Variants in APP observed in about 807,000 individuals in gnomAD.
The protein encoded by APP is amyloid beta precursor protein.
Under a neutral mutation model 101.4 loss-of-function variants are expected in APP, and 31 were observed. The ratio of observed to expected loss-of-function variants is 0.31; its 90% CI spans 0.23 to 0.41. The LOEUF (loss-of-function observed/expected upper bound fraction) is 0.41, where lower values mean the gene tolerates loss of function less well. Ranked by LOEUF, APP falls within the 10% of genes least tolerant of loss-of-function variation. The probability of loss-of-function intolerance (pLI) is 1.00; values close to 1 mark genes in which losing one functional copy is unlikely to be tolerated. For synonymous variants in APP, 366 were observed against 364.4 expected (o/e 1.00, Z -0.05); for missense variants, 839 against 1,003.7 (o/e 0.84, Z 2.22).
rs1383968088 is a variant in APP at position 25,955,743 on chromosome 21, A to T, written c.1471T>A (p.Phe491Ile). Reference sequence around the variant, plus strand: ...CGGACATACTTCTTTAGCATATTGAACACGTGACGAGGCTGTGGGAGGAAA... The same window carrying T: ...CGGACATACTTCTTTAGCATATTGATCACGTGACGAGGCTGTGGGAGGAAA... ...QAVPPRPRHV[F>I]NMLKKYVRAE... is the part of the protein sequence containing the mutation. The change falls in exon 12 of 18, where the codon TTC becomes ATC. Residue 491 changes from phenylalanine to isoleucine, a missense_variant. By Grantham distance (21) the Phe-to-Ile change is conservative (BLOSUM62 0). Transcript: ENST00000346798. 2 of 1,613,994 alleles carry T rather than the reference A, an allele frequency of 1.2e-6. No homozygotes were observed. The highest frequency in any genetic ancestry group is 1.7e-6 in the Non-Finnish European group (2 of 1,180,016).
chr21:25,893,213 G>C (rs769202989), intron 16 of APP, among the ~76,000 whole-genome samples: 7 of 152,086 alleles, frequency 4.6e-5, no homozygotes, highest in Admixed American at 1.3e-4. Context: ...TGTGTGTTCT[G>C]TCTGCCCCCC....
chr21:26,140,277 A>G, intron 1 of APP: 1 of 1,535,732 alleles, frequency 6.5e-7, no homozygotes, highest in Non-Finnish European at 8.7e-7. Flanking sequence ...ACAAACTGTT[A>G]ACTGCAGTGA....
intron 13 of APP, among the ~76,000 whole-genome samples, chr21:25,931,525 G>C (rs2040147724): frequency 1.3e-5 from 2 of 152,300 alleles, no homozygotes; most frequent in South Asian, 4.1e-4. Context: ...TGTAAAAAAA[G>C]GATGGAGGAG....
At chr21:25,974,952 A>G (rs929921005) in intron 11 of APP, 118 bp downstream of exon 11, 61 of 1,454,682 alleles carry the variant, frequency 4.2e-5, no homozygotes, top group Non-Finnish European at 5.3e-5. Context: ...GAACCTCTGA[A>G]TAACAGTGCT....
At chr21:25,986,458 C>A (rs2146617568) in intron 8 of APP, among the ~76,000 whole-genome samples, 1 of 152,196 alleles carries the variant, frequency 6.6e-6, no homozygotes, top group African/African-American at 2.4e-5. Context: ...GTAATCCCAG[C>A]ACTTTGGGAG....
intron 5 of APP, among the ~76,000 whole-genome samples, chr21:26,037,366 G>C (rs573740511): frequency 2.6e-5 from 4 of 152,246 alleles, no homozygotes; most frequent in African/African-American, 9.6e-5. Flanking sequence ...CTAGAAGCAG[G>C]ATATTGAATT....
At position 26,020,724 on chromosome 21, in the gene APP, T is replaced by C. The variant is rs45610934; in HGVS notation, c.865+1116A>G. 5.2e-3 allele frequency among the ~76,000 whole-genome samples: 795 copies of C among 152,310 alleles called. 3 individuals carry two copies. Among genetic ancestry groups the C allele is most frequent in the African/African-American group, 0.018 (764 of 41,562 alleles). The stretch of plus-strand genomic sequence containing the variant: ...CTATCTGCCAAGCAGATGGCAGATA[T>C]GAAATGCAGAACTCTTTAAGGAACA... On this transcript the variant is annotated intron_variant, in intron 6 of 17. Coordinates refer to ENST00000346798, the MANE Select transcript of APP (RefSeq NM_000484.4).
chr21:26,077,323 C>A (rs147406466), intron 3 of APP, among the ~76,000 whole-genome samples: 333 of 152,214 alleles, frequency 2.2e-3, no homozygotes, highest in African/African-American at 7.7e-3. Context: ...GGAACATGAG[C>A]CCACCCCTTT....
intron 8 of APP, among the ~76,000 whole-genome samples, chr21:25,990,544 A>G (rs2042819204): frequency 6.6e-6 from 1 of 152,236 alleles, no homozygotes; most frequent in African/African-American, 2.4e-5. Context: ...ACATAAAGAA[A>G]TAACCTGTCA....
rs2061789757 is a variant in APP at position 26,090,031 on chromosome 21, G to A, written c.267C>T (p.Asn89=). 1 of 1,614,202 alleles carries A rather than the reference G, an allele frequency of 6.2e-7. No homozygotes were observed. The highest frequency in any genetic ancestry group is 8.5e-7 in the Non-Finnish European group (1 of 1,180,042). Reference sequence around the variant, plus strand: ...ACCAGTTCTGGATGGTCACTGGTTGGTTGGCTTCTACCACATTGGTGATCT... The same window carrying A: ...ACCAGTTCTGGATGGTCACTGGTTGATTGGCTTCTACCACATTGGTGATCT... The part of the protein sequence containing the change: ...ELQITNVVEA[N]QPVTIQNWCK... Residue 89 remains asparagine (N), a synonymous_variant, in exon 3 of 18, where the codon AAC becomes AAT. Transcript: ENST00000346798.
rs373865905 is a variant in APP at position 25,954,938 on chromosome 21, T to C, written c.1588-249A>G. Among the ~76,000 whole-genome samples, 10 of 62,840 alleles carry C rather than the reference T, an allele frequency of 1.6e-4. No individual in the cohort carries two copies. In the East Asian group the frequency reaches 4.4e-3, roughly 28 times the overall value. 41.2% of individuals were successfully genotyped at this position (62,840 alleles called of 152,430 possible). A position where few individuals can be genotyped will look rare whatever the true frequency, so the allele number is the denominator to read the frequency against. On this transcript the variant is annotated intron_variant, in intron 12 of 17. Coordinates refer to ENST00000346798, the MANE Select transcript of APP (RefSeq NM_000484.4). ...CTCCTATTTCTGTTCTCTAACTTTT[T>C]GAGCTCAGGTTTAAGACTTGATCTT... is the stretch of plus-strand genomic sequence containing the variant.
chr21:25,995,018 T>C (rs1247676382), intron 8 of APP, among the ~76,000 whole-genome samples: 2 of 152,110 alleles, frequency 1.3e-5, no homozygotes, highest in African/African-American at 4.8e-5. Context: ...AATGGAAAGG[T>C]GTCAGGATCC....
At chr21:26,146,625 G>A (rs775752684) in intron 1 of APP, among the ~76,000 whole-genome samples, 1 of 152,144 alleles carries the variant, frequency 6.6e-6, no homozygotes, top group Non-Finnish European at 1.5e-5. Context: ...AGAGAATTGA[G>A]CAGGTTGAGA....
chr21:25,964,720 C>T (rs1427595305), intron 11 of APP, among the ~76,000 whole-genome samples: 1 of 151,740 alleles, frequency 6.6e-6, no homozygotes, highest in African/African-American at 2.4e-5. Context: ...CCTGCCTCAG[C>T]CTCCCGAGTA....
Position 25,983,252 on chromosome 21 carries a change from G to A in APP, c.1091-775C>T, listed in dbSNP as rs551161372. Among the ~76,000 whole-genome samples the A allele has an allele frequency of 5.9e-5, 9 of 152,284 alleles. No homozygotes were observed. The South Asian group carries it at 1.9e-3, about 32-fold the overall frequency. Reference sequence around the variant, plus strand: ...ACAAGCAATTTTCCAAAAGATTAGTGAGAATTCAGAGTATTTATGAGCTTA... The same window carrying A: ...ACAAGCAATTTTCCAAAAGATTAGTAAGAATTCAGAGTATTTATGAGCTTA... On this transcript the variant is annotated intron_variant, in intron 8 of 17. Transcript: ENST00000346798.
At chr21:26,078,404 G>C (rs911077995) in intron 3 of APP, among the ~76,000 whole-genome samples, 1 of 152,128 alleles carries the variant, frequency 6.6e-6, no homozygotes, top group African/African-American at 2.4e-5. Context: ...ATTATGAGAA[G>C]TCTATGTCTA....
intron 1 of APP, among the ~76,000 whole-genome samples, chr21:26,134,863 C>T (rs2146286399): frequency 6.6e-6 from 1 of 152,270 alleles, no homozygotes; most frequent in Non-Finnish European, 1.5e-5. Flanking sequence ...ATCAGGAAGA[C>T]CAAATAGATG....
At chr21:25,930,532 A>G (rs2040098312) in intron 13 of APP, among the ~76,000 whole-genome samples, 1 of 151,832 alleles carries the variant, frequency 6.6e-6, no homozygotes, top group Admixed American at 6.6e-5. Flanking sequence ...AAGAGCCTAA[A>G]AAGACTTATG....
chr21:25,900,378 C>CAAAA (rs60231150), intron 15 of APP, among the ~76,000 whole-genome samples: 17 of 59,452 alleles, frequency 2.9e-4, no homozygotes, highest in Admixed American at 7.2e-4. Flanking sequence ...ACTAAAAATA[C>CAAAA]AAAAAAAAAA....
Sources: allele counts gnomAD v4.1 joint callset (sites outside exome capture counted in the v4.1 genomes callset), GRCh38; gene constraint gnomAD v4.1.1; transcripts MANE v1.5; gene names NCBI Gene and HGNC (gene_info 2026-07-23, HGNC 2026-07-21).